The following SNX6 variants were observed in gnomAD, a reference collection of about 807,000 sequenced individuals.
SNX6 encodes sorting nexin-6.
Under a neutral mutation model 63.0 loss-of-function variants are expected in SNX6, and 34 were observed. That is an observed-to-expected ratio of 0.54 (90% confidence interval 0.41 to 0.72). SNX6 has a LOEUF of 0.72. Among genes scored for constraint, SNX6 ranks in the 30% least tolerant of loss-of-function variants. The pLI is 0.00. For synonymous variants in SNX6, 170 were observed against 164.2 expected (o/e 1.04, Z -0.27); for missense variants, 398 against 471.4 (o/e 0.84, Z 1.44).
rs1344101816 is a variant in SNX6, at chr14:34,562,564, T to C, written c.*558A>G. The C allele has an allele frequency of 2.0e-5, 3 of 152,694 alleles. No homozygotes were observed. Among genetic ancestry groups the C allele is most frequent in the Non-Finnish European group, 4.4e-5 (3 of 68,070 alleles). The allele number at this position is 152,694 out of a possible 1,614,324, so 9.5% of individuals were successfully genotyped here. The stretch of plus-strand genomic sequence containing the variant: ...AAACATACTAATGCATTTGCTTTTC[T>C]TCAGAAATCATACTTATAAAGATTA... On this transcript the variant is annotated 3_prime_UTR_variant, in exon 14 of 14. Coordinates refer to ENST00000362031, the MANE Select transcript of SNX6 (RefSeq NM_152233.4).
chr14:34,569,958 T>C (rs1285884291), intron 11 of SNX6, among the ~76,000 whole-genome samples: 1 of 152,240 alleles, frequency 6.6e-6, no homozygotes, highest in East Asian at 1.9e-4. Context: ...AACTGCCATA[T>C]GGTTTTCCAT....
intron 6 of SNX6, among the ~76,000 whole-genome samples, chr14:34,600,810 G>A (rs1429618780): frequency 6.6e-6 from 1 of 152,058 alleles, no homozygotes; most frequent in Non-Finnish European, 1.5e-5. Flanking sequence ...GGCCGACGCA[G>A]GCAGATCACC....
chr14:34,628,796 G>A (rs568111263), intron 2 of SNX6, among the ~76,000 whole-genome samples: 1 of 152,210 alleles, frequency 6.6e-6, no homozygotes, highest in East Asian at 1.9e-4. Context: ...AAGCAAAAGG[G>A]AAAACTGAAG....
intron 9 of SNX6, among the ~76,000 whole-genome samples, chr14:34,584,122 C>T (rs557928342): frequency 2.0e-5 from 3 of 152,218 alleles, no homozygotes; most frequent in Admixed American, 2.0e-4. Context: ...GCTGGGATTA[C>T]AGGTGTGAGC....
At chr14:34,579,391 A>G (rs1881847194) in intron 10 of SNX6, among the ~76,000 whole-genome samples, 1 of 152,064 alleles carries the variant, frequency 6.6e-6, no homozygotes, top group East Asian at 1.9e-4. Context: ...GTGAGGCAGG[A>G]ATATCAAAAG....
Position 34,629,916 on chromosome 14 carries a change from C to T in SNX6, c.45G>A (p.Glu15=). The T allele has an allele frequency of 1.3e-6, 2 of 1,556,062 alleles. No individual in the cohort carries two copies. Among genetic ancestry groups the T allele is most frequent in the Non-Finnish European group, 1.7e-6 (2 of 1,151,384 alleles). ...GGAAGGCAGAACTTACTCCGCGGTC[C>T]TCTTCTGAGAGGAAGTCCGGGCCGT... The part of the protein sequence containing the change: ...LDDGPDFLSE[E]DRGLKAINVD... The change falls in exon 2 of 14, where the codon GAG becomes GAA. Residue 15 remains glutamate, a synonymous_variant. Coordinates refer to ENST00000362031, the MANE Select transcript of SNX6 (RefSeq NM_152233.4).
chr14:34,604,325 G>T (rs183683206), intron 5 of SNX6: 2 of 1,203,568 alleles, frequency 1.7e-6, no homozygotes, highest in African/African-American at 3.2e-5. Context: ...CAGATTCTTC[G>T]ATATTAATGT....
chr14:34,625,719 C>A (rs986899671), intron 2 of SNX6, among the ~76,000 whole-genome samples: 1 of 151,764 alleles, frequency 6.6e-6, no homozygotes, highest in South Asian at 2.1e-4. Context: ...GGCAACAGAG[C>A]GAGACCCTGT....
intron 13 of SNX6, among the ~76,000 whole-genome samples, chr14:34,566,222 A>G (rs371150526): frequency 6.6e-6 from 1 of 152,232 alleles, no homozygotes; most frequent in South Asian, 2.1e-4. Flanking sequence ...AAACAAAAAC[A>G]GCAAATGTTA....
chr14:34,599,608 A>T (rs1377252219), intron 6 of SNX6, among the ~76,000 whole-genome samples: 1 of 143,512 alleles, frequency 7.0e-6, no homozygotes, highest in Non-Finnish European at 1.5e-5. Context: ...ACTCTGTCTA[A>T]AAAAAAAAAA....
chr14:34,593,138 A>C lies in SNX6; in HGVS notation c.625T>G (p.Phe209Val), dbSNP rs748503051. The change falls in exon 8 of 14, where the codon TTC becomes GTC. Residue 209 changes from phenylalanine to valine, a missense_variant. Transcript: ENST00000362031. ...IVSGVKDVDDFFEHERTFLLE... is the reference protein window; with the variant it reads ...IVSGVKDVDDVFEHERTFLLE... ...AGAAATGTTCGTTCGTGCTCAAAGA[A>C]ATCATCTACATCCTATAAGATCAAA... 1 of 1,598,746 alleles carries C rather than the reference A, an allele frequency of 6.3e-7. No individual in the cohort carries two copies. Among genetic ancestry groups the C allele is most frequent in the East Asian group, 2.2e-5 (1 of 44,646 alleles).
intron 5 of SNX6, among the ~76,000 whole-genome samples, chr14:34,604,848 C>A: frequency 1.6e-5 from 1 of 64,194 alleles, no homozygotes; most frequent in Non-Finnish European, 3.4e-5. Flanking sequence ...AAGTATAATG[C>A]AAATACTCCA....
intron 2 of SNX6, among the ~76,000 whole-genome samples, chr14:34,620,375 G>A (rs1040385362): frequency 6.6e-6 from 1 of 152,142 alleles, no homozygotes; most frequent in South Asian, 2.1e-4. Flanking sequence ...AGCTACTTGG[G>A]AAGCTGAGGT....
At chr14:34,630,053 C>T (rs1323579558) in intron 1 of SNX6, 58 bp downstream of exon 1, 1 of 1,457,358 alleles carries the variant, frequency 6.9e-7, no homozygotes, top group African/African-American at 1.5e-5. Flanking sequence ...CCCGCGCCCG[C>T]CCCGCGCCCG....
chr14:34,612,885 A>G (rs1262729309), intron 2 of SNX6, among the ~76,000 whole-genome samples: 3 of 151,932 alleles, frequency 2.0e-5, no homozygotes, highest in Admixed American at 2.0e-4. Context: ...CCCTGTCTCT[A>G]CTAAAAACAT....
intron 2 of SNX6, among the ~76,000 whole-genome samples, chr14:34,610,895 C>G (rs1883202672): frequency 6.6e-6 from 1 of 152,138 alleles, no homozygotes; most frequent in Non-Finnish European, 1.5e-5. Flanking sequence ...TCATTAGTAT[C>G]TCAAATTTTA....
chr14:34,621,047 C>T (rs12884427), intron 2 of SNX6, among the ~76,000 whole-genome samples: 57,202 of 152,074 alleles, frequency 0.38, 12,579 homozygotes, highest in East Asian at 0.74. Flanking sequence ...CTCCTGTGAT[C>T]AAGCAATCTT....
chr14:34,568,682 G>T, intron 11 of SNX6: 1 of 915,532 alleles, frequency 1.1e-6, no homozygotes. Flanking sequence ...ACCCAGCATG[G>T]TTTGTTCTAA....
chr14:34,593,801 A>C, intron 7 of SNX6, among the ~76,000 whole-genome samples: 1 of 150,528 alleles, frequency 6.6e-6, no homozygotes, highest in African/African-American at 2.5e-5. Flanking sequence ...GCTGGTCTCG[A>C]ACTCCTCACC....
Sources: allele counts gnomAD v4.1 joint callset (sites outside exome capture counted in the v4.1 genomes callset), GRCh38; gene constraint gnomAD v4.1.1; transcripts MANE v1.5; gene names NCBI Gene and HGNC (gene_info 2026-07-23, HGNC 2026-07-21).